The following ATRX variants were observed in gnomAD, a reference collection of about 807,000 sequenced individuals.
The protein encoded by ATRX is chromatin remodeler ATRX.
ATRX carries 12 observed loss-of-function variants against 172.6 expected under a neutral mutation model. That is an observed-to-expected ratio of 0.07 (90% CI 0.04 to 0.11). The LOEUF (loss-of-function observed/expected upper bound fraction) is 0.11, where lower values mean the gene tolerates loss of function less well. ATRX is among the 10% of genes least tolerant of loss of function. The pLI is 1.00. For synonymous variants in ATRX, 674 were observed against 594.7 expected (o/e 1.13, Z -1.94); for missense variants, 1,368 against 1,767.4 (o/e 0.77, Z 4.05).
At chrX:77,568,144 A>T (rs2065268685) in intron 28 of ATRX, among the ~76,000 whole-genome samples, 2 of 109,345 alleles carry the variant, frequency 1.8e-5, no homozygotes, top group Non-Finnish European at 3.8e-5. Context: ...CAAAAGCAAG[A>T]TGAAATTAAA....
intron 22 of ATRX, chrX:77,616,081 C>A (rs1402946367): frequency 1.3e-6 from 1 of 751,336 alleles, no homozygotes; most frequent in African/African-American, 2.3e-5. Context: ...TATTTTAAAG[C>A]ATAGAAAAAT....
At chrX:77,696,523 G>A in intron 5 of ATRX, 54 bp downstream of exon 5, 2 of 1,156,664 alleles carry the variant, frequency 1.7e-6, no homozygotes, top group East Asian at 3.0e-5. Context: ...TTATAAAAAT[G>A]ATGTTTAAAA....
chrX:77,652,057 C>G, intron 15 of ATRX, 57 bp downstream of exon 15: 1 of 1,175,952 alleles, frequency 8.5e-7, no homozygotes, highest in Non-Finnish European at 1.2e-6. Context: ...CCAGCCTGGG[C>G]AACAGAGCAA....
intron 30 of ATRX, among the ~76,000 whole-genome samples, chrX:77,544,780 G>A (rs1485091929): frequency 9.0e-6 from 1 of 110,835 alleles, no homozygotes; most frequent in African/African-American, 3.3e-5. Context: ...GTATTCCATG[G>A]TGTATATGTG....
chrX:77,744,440 T>TA (rs1352101834), intron 1 of ATRX, among the ~76,000 whole-genome samples: 2 of 112,134 alleles, frequency 1.8e-5, no homozygotes, highest in Non-Finnish European at 3.8e-5. Flanking sequence ...AAGTGACTGT[T>TA]ACAGCACATG....
At chrX:77,554,266 C>G (rs1368274784) in intron 30 of ATRX, among the ~76,000 whole-genome samples, 2 of 111,156 alleles carry the variant, frequency 1.8e-5, no homozygotes, top group African/African-American at 6.5e-5. Context: ...GATCATGCCG[C>G]TGCACTCCAG....
At chrX:77,654,932 G>A (rs2069462646) in intron 13 of ATRX, among the ~76,000 whole-genome samples, 1 of 111,175 alleles carries the variant, frequency 9.0e-6, no homozygotes, top group South Asian at 3.7e-4. Context: ...AACAAAACGT[G>A]GTATACAATG....
At chrX:77,615,464 T>TA (rs782428425) in intron 22 of ATRX, among the ~76,000 whole-genome samples, 1 of 111,998 alleles carries the variant, frequency 8.9e-6, no homozygotes, top group African/African-American at 3.2e-5. Context: ...ATCTGTCTCT[T>TA]AAACTATACA....
intron 15 of ATRX, among the ~76,000 whole-genome samples, chrX:77,638,571 C>A (rs1441120730): frequency 8.9e-6 from 1 of 112,636 alleles, no homozygotes; most frequent in Non-Finnish European, 1.9e-5. Flanking sequence ...CATTTTGAAG[C>A]GAACACAAGA....
intron 1 of ATRX, among the ~76,000 whole-genome samples, chrX:77,743,613 C>T (rs1486932515): frequency 9.0e-6 from 1 of 111,581 alleles, no homozygotes; most frequent in African/African-American, 3.3e-5. Context: ...CTGCAAGTAC[C>T]ACCTTACTGG....
At position 77,651,741 on chromosome X, in the gene ATRX, C is replaced by T. The variant is rs5912712; in HGVS notation, c.4557+373G>A. Among the ~76,000 whole-genome samples the T allele has an allele frequency of 9.4e-3, 1,037 of 110,881 alleles. 6 individuals are homozygous for T. The highest frequency in any genetic ancestry group is 0.048 in the South Asian group (123 of 2,589). On this transcript the variant is annotated intron_variant, in intron 15 of 34. Transcript: ENST00000373344. Reference sequence around the variant, plus strand: ...GGGTGTGGTAGTGCATGCCTGTAGTCCCGGCCACTTGGGAGGCTGAGGCAC... The same window carrying T: ...GGGTGTGGTAGTGCATGCCTGTAGTTCCGGCCACTTGGGAGGCTGAGGCAC...
intron 30 of ATRX, among the ~76,000 whole-genome samples, chrX:77,543,399 C>T (rs948588818): frequency 8.9e-6 from 1 of 111,938 alleles, no homozygotes; most frequent in Non-Finnish European, 1.9e-5. Context: ...GACAATGTGG[C>T]GATTCCTCAA....
Position 77,592,374 on chromosome X carries a change from C to T in ATRX, c.6110+1322G>A, listed in dbSNP as rs782369685. 2.0e-4 allele frequency among the ~76,000 whole-genome samples: 20 copies of T among 99,369 alleles called. No homozygotes were observed. In the South Asian group the frequency reaches 1.0e-2, roughly 50 times the overall value. 86.3% of individuals were successfully genotyped at this position (99,369 alleles called of 115,157 possible). On this transcript the variant is annotated intron_variant, in intron 26 of 34. Transcript: ENST00000373344. ...ATTTTAGTGAGCTGAGATTGCGCCA[C>T]TGCACTCCAGCCTGGGTGACAAGAG...
intron 28 of ATRX, among the ~76,000 whole-genome samples, chrX:77,562,894 A>T (rs2065067313): frequency 8.9e-6 from 1 of 112,075 alleles, no homozygotes; most frequent in African/African-American, 3.2e-5. Flanking sequence ...TCATATGCTT[A>T]TTTGACATGC....
At chrX:77,536,178 T>C (rs2147826535) in intron 30 of ATRX, among the ~76,000 whole-genome samples, 1 of 110,552 alleles carries the variant, frequency 9.0e-6, no homozygotes, top group Admixed American at 9.7e-5. Flanking sequence ...GTCTCCTGAG[T>C]AGCTGGAACT....
Position 77,681,851 on chromosome X carries a change from C to T in ATRX, c.3405G>A (p.Arg1135=), listed in dbSNP as rs1481267153. 2 of 1,198,833 alleles carry T rather than the reference C, an allele frequency of 1.7e-6. No homozygotes were observed. Among genetic ancestry groups the T allele is most frequent in the African/African-American group, 1.8e-5 (1 of 56,334 alleles). ...SDKRLKRIEL[R]ERRNLSSKRN... ...TCTTTGAACTTAAATTTCTTCTTTC[C>T]CTCAATTCTATTCTTTTCAGTCTCT... Residue 1135 remains arginine (R), a synonymous_variant, in exon 9 of 35, where the codon AGG becomes AGA. Coordinates refer to ENST00000373344, the MANE Select transcript of ATRX (RefSeq NM_000489.6).
At chrX:77,527,702 G>A (rs1175663265) in intron 30 of ATRX, among the ~76,000 whole-genome samples, 4 of 111,631 alleles carry the variant, frequency 3.6e-5, no homozygotes, top group African/African-American at 1.3e-4. Flanking sequence ...GGCTCGGCAG[G>A]CCCCATTTCC....
At chrX:77,685,742 A>G (rs2071515507) in intron 7 of ATRX, among the ~76,000 whole-genome samples, 1 of 112,138 alleles carries the variant, frequency 8.9e-6, no homozygotes, top group Non-Finnish European at 1.9e-5. Flanking sequence ...TGGCACTCCT[A>G]TGATTGTTGG....
chrX:77,568,649 C>A (rs2065290556), intron 28 of ATRX, among the ~76,000 whole-genome samples: 1 of 111,757 alleles, frequency 8.9e-6, no homozygotes, highest in Admixed American at 9.5e-5. Context: ...CAAAACCAGA[C>A]AATGACAACA....
Sources: gnomAD v4.1 joint callset for allele counts (sites outside exome capture counted in the v4.1 genomes callset) on GRCh38, gnomAD v4.1.1 for gene constraint, MANE v1.5 for transcripts, NCBI Gene and HGNC (gene_info 2026-07-23, HGNC 2026-07-21) for gene names.